The following SENP2 variants were observed in gnomAD, a reference collection of about 807,000 sequenced individuals.
The protein encoded by SENP2 is sentrin-specific protease 2.
A neutral mutation model predicts 86.3 loss-of-function variants in SENP2; 16 were observed. The ratio of observed to expected loss-of-function variants is 0.19; its 90% CI spans 0.13 to 0.28. The LOEUF (loss-of-function observed/expected upper bound fraction) is 0.28, where lower values mean the gene tolerates loss of function less well. Ranked by LOEUF, SENP2 falls within the 10% of genes least tolerant of loss-of-function variation. The probability of loss-of-function intolerance (pLI) is 1.00; values close to 1 mark genes in which losing one functional copy is unlikely to be tolerated. For missense variants in SENP2, 552 were observed against 703.0 expected, an observed-to-expected ratio of 0.79 and a Z score of 2.43; for synonymous variants, 222 against 238.7, an observed-to-expected ratio of 0.93 and a Z score of 0.64.
At chr3:185,610,376 G>A (rs1033573202) in intron 7 of SENP2, among the ~76,000 whole-genome samples, 1 of 152,014 alleles carries the variant, frequency 6.6e-6, no homozygotes, top group African/African-American at 2.4e-5. Flanking sequence ...TGGCCAGGCC[G>A]GTCTCGAACA....
chr3:185,629,315 A>G (rs116147655), intron 16 of SENP2, among the ~76,000 whole-genome samples: 2,873 of 152,238 alleles, frequency 0.019, 98 homozygotes, highest in African/African-American at 0.066. Flanking sequence ...GCTTTTGCCT[A>G]TAAATAATCT....
chr3:185,609,026 C>T (rs1722602749), intron 6 of SENP2: 1 of 382,176 alleles, frequency 2.6e-6, no homozygotes. Flanking sequence ...GGCTGGAGAG[C>T]AGTGGCCCAT....
rs1350798982 is a variant in SENP2 at position 185,616,731 on chromosome 3, C to T, written c.1111-749C>T. Among the ~76,000 whole-genome samples, 9 of 149,244 alleles carry T rather than the reference C, an allele frequency of 6.0e-5. No homozygotes were observed. In the East Asian group the frequency reaches 1.4e-3, roughly 23 times the overall value. On this transcript the variant is annotated intron_variant, in intron 11 of 16. Coordinates refer to ENST00000296257, the MANE Select transcript of SENP2 (RefSeq NM_021627.3). ...CGGAGCTTGCAGTAAGCCGAGATGG[C>T]GCCACTGCACTCCGGCCTGGGAGAC...
At chr3:185,603,751 A>G (rs1722423588) in intron 5 of SENP2, among the ~76,000 whole-genome samples, 3 of 152,238 alleles carry the variant, frequency 2.0e-5, no homozygotes, top group Non-Finnish European at 4.4e-5. Flanking sequence ...TAAGCATTTA[A>G]TGCTGTTTCC....
At chr3:185,603,374 C>T (rs1722411682) in intron 5 of SENP2, among the ~76,000 whole-genome samples, 1 of 152,102 alleles carries the variant, frequency 6.6e-6, no homozygotes, top group Non-Finnish European at 1.5e-5. Context: ...ATGCAGCATT[C>T]CTGCAAAAAC....
intron 16 of SENP2, among the ~76,000 whole-genome samples, chr3:185,627,406 GTTTGT>G (rs957556385): frequency 5.3e-5 from 8 of 151,930 alleles, no homozygotes; most frequent in Non-Finnish European, 1.0e-4. Flanking sequence ...GCTCTTTTGT[GTTTGT>G]TTTGTTTTGT....
chr3:185,600,012 G>A (rs1461776215), intron 4 of SENP2, among the ~76,000 whole-genome samples: 5 of 152,110 alleles, frequency 3.3e-5, no homozygotes, highest in Non-Finnish European at 5.9e-5. Context: ...GGTCAGGCTG[G>A]TCTTGAACTC....
chr3:185,606,814 C>A, intron 6 of SENP2: 1 of 513,910 alleles, frequency 1.9e-6, no homozygotes, highest in East Asian at 4.7e-5. Flanking sequence ...TGTTGCTTAT[C>A]GAGGAGCAGA....
intron 5 of SENP2, among the ~76,000 whole-genome samples, chr3:185,601,936 C>A (rs962956491): frequency 2.0e-5 from 3 of 152,092 alleles, no homozygotes; most frequent in Non-Finnish European, 4.4e-5. Flanking sequence ...CTGCGTGCGG[C>A]CTTCTTGCTC....
At chr3:185,621,961 T>C in intron 14 of SENP2, 56 bp downstream of exon 14, 1 of 1,147,846 alleles carries the variant, frequency 8.7e-7, no homozygotes, top group African/African-American at 1.5e-5. Flanking sequence ...CTCTTTTATC[T>C]CATCCTAGGA....
intron 6 of SENP2, chr3:185,606,941 T>C (rs1016359089): frequency 6.2e-6 from 2 of 320,392 alleles, no homozygotes; most frequent in Non-Finnish European, 1.2e-5. Context: ...ATGAATATTT[T>C]TGGGAGCAAA....
intron 2 of SENP2, among the ~76,000 whole-genome samples, chr3:185,595,908 C>G (rs747284832): frequency 3.2e-4 from 48 of 150,416 alleles, no homozygotes; most frequent in Admixed American, 1.4e-3. Context: ...TCCAACGATT[C>G]TTCTGCTTTA....
rs149268515 is a variant in SENP2, at chr3:185,592,011, C to CTTTTTTTTTTTTTTTTTTTTT, written c.157+1845_157+1865dup. ...CTGTCTTTAAGAACCGGTAATATTT[C>CTTTTTTTTTTTTTTTTTTTTT]TTTTTTTTTTTTTTTTTTTTTTTGA... On this transcript the variant is annotated intron_variant, in intron 2 of 16. Transcript: ENST00000296257. 4.1e-4 allele frequency among the ~76,000 whole-genome samples: 27 copies of CTTTTTTTTTTTTTTTTTTTTT among 65,804 alleles called. 5 individuals carry two copies. The highest frequency in any genetic ancestry group is 5.2e-4 in the Non-Finnish European group (19 of 36,704). 43.2% of individuals were successfully genotyped at this position (65,804 alleles called of 152,430 possible).
At chr3:185,594,742 C>A (rs1206927723) in intron 2 of SENP2, among the ~76,000 whole-genome samples, 1 of 151,938 alleles carries the variant, frequency 6.6e-6, no homozygotes, top group Non-Finnish European at 1.5e-5. Context: ...GCCTCAGTCT[C>A]CTGAGTAGCT....
chr3:185,597,789 G>T (rs986379355), intron 2 of SENP2, among the ~76,000 whole-genome samples: 2 of 151,960 alleles, frequency 1.3e-5, no homozygotes, highest in African/African-American at 2.4e-5. Flanking sequence ...GAATAGGTGG[G>T]ATTATAGGGA....
Position 185,619,265 on chromosome 3 carries a change from A to G in SENP2, c.1243-34A>G, listed in dbSNP as rs201975201. ...ATTTAGTTTTGATAATATGTTTGCC[A>G]TGTTCCAGCTTTTGCTCCCTTGGTA... On this transcript the variant is annotated intron_variant, in intron 12 of 16. Transcript: ENST00000296257. 3.9e-5 allele frequency: 57 copies of G among 1,465,090 alleles called. No homozygotes were observed. In the African/African-American group the frequency reaches 6.0e-4, roughly 15 times the overall value. The allele number at this position is 1,465,090 out of a possible 1,614,324, so 90.8% of individuals were successfully genotyped here. A position where few individuals can be genotyped will look rare whatever the true frequency, so the allele number is the denominator to read the frequency against.
intron 7 of SENP2, among the ~76,000 whole-genome samples, chr3:185,610,157 T>TC (rs1476918420): frequency 3.4e-5 from 2 of 58,650 alleles, no homozygotes; most frequent in Non-Finnish European, 6.9e-5. Flanking sequence ...TATCTAGCTT[T>TC]TTTTTTTTTT....
In SENP2 at chr3:185,619,509, A is replaced by G; in HGVS notation, c.1446+7A>G. On this transcript the variant is annotated splice_region_variant and intron_variant, in intron 13 of 16. Transcript: ENST00000296257. ...GGTACATTGGAGCCTGGTGGTGAGTAGAGAGGGTTAATGGTTAATTGTTGG... is the reference window on the plus strand; with the variant it reads ...GGTACATTGGAGCCTGGTGGTGAGTGGAGAGGGTTAATGGTTAATTGTTGG... The G allele has an allele frequency of 6.2e-7, 1 of 1,612,236 alleles. No homozygotes were observed. The highest frequency in any genetic ancestry group is 1.3e-5 in the African/African-American group (1 of 74,976).
At chr3:185,616,474 C>CA (rs771658835) in intron 11 of SENP2, among the ~76,000 whole-genome samples, 642 of 85,716 alleles carry the variant, frequency 7.5e-3, no homozygotes, top group East Asian at 0.025. Context: ...GAATCTGTCT[C>CA]AAAAAAAAAA....
Sources: allele counts gnomAD v4.1 joint callset (sites outside exome capture counted in the v4.1 genomes callset), GRCh38; gene constraint gnomAD v4.1.1; transcripts MANE v1.5; gene names NCBI Gene and HGNC (gene_info 2026-07-23, HGNC 2026-07-21).